Variants in SLC37A3 observed in about 807,000 individuals in gnomAD.
SLC37A3 encodes solute carrier family 37 member 3.
Under a neutral mutation model 67.1 loss-of-function variants are expected in SLC37A3, and 51 were observed. The ratio of observed to expected loss-of-function variants is 0.76; its 90% confidence interval spans 0.61 to 0.96. The LOEUF is 0.96. Among genes scored for constraint, SLC37A3 ranks in the 40% least tolerant of loss-of-function variants. The pLI is 0.00. For missense variants in SLC37A3, 508 were observed against 603.0 expected, an observed-to-expected ratio of 0.84 and a Z score of 1.65; for synonymous variants, 214 against 231.4, an observed-to-expected ratio of 0.92 and a Z score of 0.68.
chr7:140,340,620 CTT>C (rs776791621), intron 13 of SLC37A3, among the ~76,000 whole-genome samples: 23 of 140,530 alleles, frequency 1.6e-4, no homozygotes, highest in Admixed American at 3.6e-4. Context: ...GCAACTTTGT[CTT>C]TTTTTTTTTT....
In SLC37A3 at chr7:140,358,537, G is replaced by A. The variant is rs182298084; in HGVS notation, c.521+103C>T. On this transcript the variant is annotated intron_variant, in intron 6 of 14. Transcript: ENST00000326232. Reference sequence around the variant, plus strand: ...ACTCTGACTTGCTAACGAAAGATGTGGGTGGTATCTAAGGCAGCAAAGTAA... The same window carrying A: ...ACTCTGACTTGCTAACGAAAGATGTAGGTGGTATCTAAGGCAGCAAAGTAA... 1.8e-4 allele frequency: 258 copies of A among 1,452,626 alleles called. 1 individual carries two copies. The East Asian group carries it at 5.2e-3, about 30-fold the overall frequency. 90.0% of individuals were successfully genotyped at this position (1,452,626 alleles called of 1,614,324 possible).
At chr7:140,391,272 A>C (rs111671036) in intron 1 of SLC37A3, among the ~76,000 whole-genome samples, 10 of 152,210 alleles carry the variant, frequency 6.6e-5, no homozygotes, top group African/African-American at 2.4e-4. Context: ...CAGAACTCTT[A>C]GGCCAGGCAC....
intron 7 of SLC37A3, among the ~76,000 whole-genome samples, chr7:140,354,518 T>C (rs1796941368): frequency 6.6e-6 from 1 of 152,090 alleles, no homozygotes; most frequent in Admixed American, 6.6e-5. Context: ...TCCCTGTTGG[T>C]CAGTTCTATA....
At chr7:140,346,999 G>A (rs1055947680) in intron 10 of SLC37A3, among the ~76,000 whole-genome samples, 3 of 152,074 alleles carry the variant, frequency 2.0e-5, no homozygotes, top group Non-Finnish European at 2.9e-5. Context: ...AGTGGCTCAC[G>A]CCTGTAATCC....
chr7:140,382,554 T>C lies in SLC37A3; in HGVS notation c.-28A>G. 1 of 1,602,748 alleles carries C rather than the reference T, an allele frequency of 6.2e-7. No homozygotes were observed. The highest frequency in any genetic ancestry group is 8.5e-7 in the Non-Finnish European group (1 of 1,170,490). On this transcript the variant is annotated 5_prime_UTR_variant, in exon 2 of 15. Transcript: ENST00000326232. ...TCTTCCTGACCTTCCTTCTCACCTTTGACCTTAAGGTTTGGATGAGTGATT... is the reference window on the plus strand; with the variant it reads ...TCTTCCTGACCTTCCTTCTCACCTTCGACCTTAAGGTTTGGATGAGTGATT...
At position 140,358,732 on chromosome 7, in the gene SLC37A3, C is replaced by T; in HGVS notation, c.429G>A (p.Leu143=). The T allele has an allele frequency of 6.2e-7, 1 of 1,614,156 alleles. No individual in the cohort carries two copies. Among genetic ancestry groups the T allele is most frequent in the Non-Finnish European group, 8.5e-7 (1 of 1,180,036 alleles). The part of the protein sequence containing the change: ...TEWLRFYNKW[L]YCCLWIVNGL... ...CGTTCACAATCCACAGGCAGCAGTA[C>T]AGCCATTTGTTGTAGAAACGCAGCC... is the stretch of plus-strand genomic sequence containing the variant. The change falls in exon 6 of 15, where the codon CTG becomes CTA. Residue 143 remains leucine (L), a synonymous_variant. Transcript: ENST00000326232.
At chr7:140,368,377 C>T (rs2129636295) in intron 4 of SLC37A3, among the ~76,000 whole-genome samples, 1 of 152,088 alleles carries the variant, frequency 6.6e-6, no homozygotes, top group South Asian at 2.1e-4. Context: ...ATCAGCCTGA[C>T]CAACATGGAG....
At chr7:140,391,440 C>A (rs1264775379) in intron 1 of SLC37A3, among the ~76,000 whole-genome samples, 1 of 152,196 alleles carries the variant, frequency 6.6e-6, no homozygotes, top group African/African-American at 2.4e-5. Flanking sequence ...CTTGTAATCC[C>A]AGCTACTTGG....
chr7:140,391,344 C>T (rs1175273907), intron 1 of SLC37A3, among the ~76,000 whole-genome samples: 1 of 152,218 alleles, frequency 6.6e-6, no homozygotes, highest in African/African-American at 2.4e-5. Flanking sequence ...CACTTGAGAT[C>T]AGGAGCTCGA....
chr7:140,355,724 C>G lies in SLC37A3; in HGVS notation c.562G>C (p.Val188Leu), dbSNP rs367901274. ...VFGLWSACAS[V>L]GNILGACLAS... ...AGGCACGCTCCCAAAATGTTGCCCA[C>G]CGAAGCACAGGCACTCCAGAGACCA... The change falls in exon 7 of 15, where the codon GTG becomes CTG. Residue 188 changes from valine (V) to leucine (L), a missense_variant. By Grantham distance (32) the Val-to-Leu change is conservative. Coordinates refer to ENST00000326232, the MANE Select transcript of SLC37A3 (RefSeq NM_207113.3). The G allele has an allele frequency of 1.2e-6, 2 of 1,613,846 alleles. No homozygotes were observed. The highest frequency in any genetic ancestry group is 2.7e-5 in the African/African-American group (2 of 74,878).
In SLC37A3 at chr7:140,345,910, A is replaced by G. The variant is rs1796537177; in HGVS notation, c.1085T>C (p.Leu362Pro). 5.6e-6 allele frequency: 9 copies of G among 1,613,860 alleles called. No homozygotes were observed. Among genetic ancestry groups the G allele is most frequent in the African/African-American group, 1.3e-5 (1 of 74,916 alleles). The change falls in exon 11 of 15, where the codon CTG (leucine) becomes CCG (proline). Residue 362 changes from leucine to proline, a missense_variant. Transcript: ENST00000326232. The stretch of plus-strand genomic sequence containing the variant: ...GGACCCAACTGCCAGAAGCAGACTC[A>G]GGGCAAGAACCGGCGCTCTCTTCTG... ...VLQKRAPVLA[L>P]SLLLAVGSLI...
In SLC37A3 at chr7:140,357,045, T is replaced by C. The variant is rs550959433; in HGVS notation, c.522-1281A>G. Among the ~76,000 whole-genome samples the C allele has an allele frequency of 7.2e-5, 11 of 151,854 alleles. No homozygotes were observed. The East Asian group carries it at 2.0e-3, about 27-fold the overall frequency. ...CTGGCCAACATGGAGAAACCCCATC[T>C]CCACTAAAAATACAAAAAATTAGCT... is the stretch of plus-strand genomic sequence containing the variant. On this transcript the variant is annotated intron_variant, in intron 6 of 14. Transcript: ENST00000326232.
chr7:140,362,083 A>G (rs7809907), intron 5 of SLC37A3, among the ~76,000 whole-genome samples: 36,334 of 87,054 alleles, frequency 0.42, 6,966 homozygotes, highest in South Asian at 0.5. Context: ...CTGCCCGGCC[A>G]CCATCCCATC....
intron 4 of SLC37A3, among the ~76,000 whole-genome samples, chr7:140,365,500 C>A (rs990468652): frequency 2.0e-5 from 3 of 152,136 alleles, no homozygotes; most frequent in African/African-American, 7.2e-5. Flanking sequence ...GCAGGTGGAT[C>A]ACCTGAGGTG....
chr7:140,351,177 A>G (rs796278749), intron 9 of SLC37A3, 96 bp downstream of exon 9: 4 of 1,227,228 alleles, frequency 3.3e-6, no homozygotes, highest in Non-Finnish European at 4.5e-6. Context: ...AGTATCCAAC[A>G]GAGGCTCAAT....
At chr7:140,358,165 GAGTCTA>G (rs1797112317) in intron 6 of SLC37A3, among the ~76,000 whole-genome samples, 1 of 152,136 alleles carries the variant, frequency 6.6e-6, no homozygotes, top group South Asian at 2.1e-4. Flanking sequence ...TTCTTCATCT[GAGTCTA>G]ATTAGAGCCC....
At chr7:140,397,007 A>G (rs532606136) in intron 1 of SLC37A3, among the ~76,000 whole-genome samples, 2 of 148,884 alleles carry the variant, frequency 1.3e-5, no homozygotes, top group Non-Finnish European at 3.0e-5. Flanking sequence ...CCAGATCATC[A>G]TGGCCAATAT....
intron 7 of SLC37A3, among the ~76,000 whole-genome samples, chr7:140,352,748 A>C (rs1394735141): frequency 6.6e-6 from 1 of 152,194 alleles, no homozygotes; most frequent in African/African-American, 2.4e-5. Context: ...GCACGACTCA[A>C]GGAGAGGGCT....
chr7:140,387,776 C>T (rs5016827), intron 1 of SLC37A3, among the ~76,000 whole-genome samples: 8,634 of 14,714 alleles, frequency 0.59, 1,670 homozygotes, highest in South Asian at 0.74. Flanking sequence ...ATATATTATA[C>T]ATAAATATAA....
Sources: gnomAD v4.1 joint callset for allele counts (sites outside exome capture counted in the v4.1 genomes callset) on GRCh38, gnomAD v4.1.1 for gene constraint, MANE v1.5 for transcripts, NCBI Gene and HGNC (gene_info 2026-07-23, HGNC 2026-07-21) for gene names.